EVC: variants seen among roughly 807,000 people sequenced by gnomAD.
The protein encoded by EVC is EvC ciliary complex subunit 1, also known as evC complex member EVC.
EVC carries 116 observed loss-of-function variants against 118.9 expected under a neutral mutation model. That is an observed-to-expected ratio of 0.98 (90% CI 0.84 to 1.14). The LOEUF (loss-of-function observed/expected upper bound fraction) is 1.14. EVC is among the 50% of genes most tolerant of loss of function. The pLI is 0.00. For missense variants in EVC, 1,401 were observed against 1,246.4 expected, an observed-to-expected ratio of 1.12 and a Z score of -1.87; for synonymous variants, 619 against 534.7, an observed-to-expected ratio of 1.16 and a Z score of -2.18.
intron 1 of EVC, among the ~76,000 whole-genome samples, chr4:5,712,607 G>T (rs1723226536): frequency 1.3e-5 from 2 of 152,178 alleles, no homozygotes; most frequent in Non-Finnish European, 1.5e-5. Flanking sequence ...TTTCTGGCCC[G>T]TGGGAAGATG....
At position 5,748,318 on chromosome 4, in the gene EVC, GGGGGC is replaced by G; in HGVS notation, c.1098+16_1098+20del. On this transcript the variant is annotated intron_variant, in intron 8 of 20. Transcript: ENST00000264956. ...AGCTGCAGGCTCTGGTAATGCTGGA[GGGGGC>G]GGGAGGGAACATAAAGATATTCAGA... 1.9e-6 allele frequency: 3 copies of G among 1,613,838 alleles called. No individual in the cohort carries two copies. The highest frequency in any genetic ancestry group is 1.7e-6 in the Non-Finnish European group (2 of 1,179,870).
chr4:5,809,592 T>C lies in EVC; in HGVS notation c.2763T>C (p.Pro921=). 6.2e-7 allele frequency: 1 copy of C among 1,614,160 alleles called. No individual in the cohort carries two copies. The highest frequency in any genetic ancestry group is 2.2e-5 in the East Asian group (1 of 44,866). The part of the protein sequence containing the change: ...RVPLAESKLL[P]AKRGLLEKPL... ...CCCTTGCTGAAAGCAAACTGTTGCC[T>C]GCTAAGCGTGGGCTGCTAGGTGAGT... The change falls in exon 19 of 21, where the codon CCT becomes CCC. Residue 921 remains proline, a synonymous_variant. Transcript: ENST00000264956.
chr4:5,763,508 C>T lies in EVC; in HGVS notation c.1563+7146C>T, dbSNP rs1372347274. ...ACCTTGGGCAGTATGGCCATTTTCACGATATTGATTCTTCCTACCCATGAG... is the reference window on the plus strand; with the variant it reads ...ACCTTGGGCAGTATGGCCATTTTCATGATATTGATTCTTCCTACCCATGAG... On this transcript the variant is annotated intron_variant, in intron 11 of 20. Transcript: ENST00000264956. Among the ~76,000 whole-genome samples, 10 of 145,234 alleles carry T rather than the reference C, an allele frequency of 6.9e-5. No individual in the cohort carries two copies. In the South Asian group the frequency reaches 1.5e-3, roughly 22 times the overall value.
At chr4:5,761,371 A>G (rs1731979418) in intron 11 of EVC, among the ~76,000 whole-genome samples, 1 of 151,976 alleles carries the variant, frequency 6.6e-6, no homozygotes, top group Non-Finnish European at 1.5e-5. Flanking sequence ...AGGTGTCACA[A>G]TCAATCGAGG....
At chr4:5,734,626 C>T (rs1005065517) in intron 5 of EVC, among the ~76,000 whole-genome samples, 1 of 152,214 alleles carries the variant, frequency 6.6e-6, no homozygotes, top group African/African-American at 2.4e-5. Context: ...CACTGCACTC[C>T]GACCTGGGCA....
rs749653724 is a variant in EVC, at chr4:5,797,062, C to T, written c.1927C>T (p.Arg643Cys). The T allele has an allele frequency of 2.0e-5, 33 of 1,613,310 alleles. No individual in the cohort carries two copies. Among genetic ancestry groups the T allele is most frequent in the South Asian group, 1.8e-4 (16 of 91,088 alleles). ...CVLQGHDLLL[R>C]SALRRLALRG... ...CCTGCAGGGGCATGACCTGCTGTTG[C>T]GCTCAGCCCTCCGGAGGCTGGCACT... is the stretch of plus-strand genomic sequence containing the variant. Residue 643 changes from arginine (R) to cysteine (C), a missense_variant, in exon 14 of 21, where the codon CGC (arginine) becomes TGC (cysteine). Coordinates refer to ENST00000264956, the MANE Select transcript of EVC (RefSeq NM_153717.3).
In EVC at chr4:5,813,885, C is replaced by T. The variant is rs1053510647; in HGVS notation, c.*2848C>T. 2.0e-5 allele frequency: 3 copies of T among 152,206 alleles called. No homozygotes were observed. The highest frequency in any genetic ancestry group is 7.2e-5 in the African/African-American group (3 of 41,450). 9.4% of individuals were successfully genotyped at this position (152,206 alleles called of 1,614,324 possible). On this transcript the variant is annotated 3_prime_UTR_variant, in exon 21 of 21. Transcript: ENST00000264956. ...GGCACAGGCCTCCATGATGAAGACG[C>T]GTGGGCTGTCGGTGCTTTCATCCGT...
intron 2 of EVC, among the ~76,000 whole-genome samples, chr4:5,725,622 C>G (rs531961279): frequency 6.6e-6 from 1 of 152,240 alleles, no homozygotes; most frequent in East Asian, 1.9e-4. Context: ...GGATGTTAGA[C>G]CCTTGTCAGA....
At position 5,789,799 on chromosome 4, in the gene EVC, G is replaced by A. The variant is rs527760443; in HGVS notation, c.1777-3809G>A. On this transcript the variant is annotated intron_variant, in intron 12 of 20. Coordinates refer to ENST00000264956, the MANE Select transcript of EVC (RefSeq NM_153717.3). This position sits in a 1 kb window ranked among gnomAD's most constrained non-coding sequence, Gnocchi z 4.3. ...GATCTTGACCTTATCGATCATCATCGAATCCTGTTGCTAGTTTAAGCTGCA... is the reference window on the plus strand; with the variant it reads ...GATCTTGACCTTATCGATCATCATCAAATCCTGTTGCTAGTTTAAGCTGCA... Among the ~76,000 whole-genome samples, 45 of 152,232 alleles carry A rather than the reference G, an allele frequency of 3.0e-4. No homozygotes were observed. Among genetic ancestry groups the A allele is most frequent in the Middle Eastern group, 6.8e-3 (2 of 294 alleles).
chr4:5,796,323 G>A (rs778832245), intron 13 of EVC, among the ~76,000 whole-genome samples: 21 of 151,908 alleles, frequency 1.4e-4, no homozygotes, highest in African/African-American at 3.9e-4. Flanking sequence ...GTTAATTCTC[G>A]TCTGGGTATT....
chr4:5,736,400 C>A (rs1266937411), intron 5 of EVC, among the ~76,000 whole-genome samples: 1 of 152,122 alleles, frequency 6.6e-6, no homozygotes, highest in Non-Finnish European at 1.5e-5. Flanking sequence ...TTTGGTACTG[C>A]ACCATGGTGA....
chr4:5,777,179 G>A lies in EVC; in HGVS notation c.1564-6373G>A, dbSNP rs528869624. Among the ~76,000 whole-genome samples the A allele has an allele frequency of 1.8e-4, 28 of 152,188 alleles. No individual in the cohort carries two copies. The South Asian group carries it at 3.1e-3, about 17-fold the overall frequency. Reference sequence around the variant, plus strand: ...CTGTCCTTCTCCAAAGAGGATTTTCGTTTGCTTTTGTCAGATATCAGCACC... The same window carrying A: ...CTGTCCTTCTCCAAAGAGGATTTTCATTTGCTTTTGTCAGATATCAGCACC... On this transcript the variant is annotated intron_variant, in intron 11 of 20. Coordinates refer to ENST00000264956, the MANE Select transcript of EVC (RefSeq NM_153717.3).
Position 5,741,694 on chromosome 4 carries a change from A to G in EVC, c.703-22A>G, listed in dbSNP as rs143946302. The G allele has an allele frequency of 1.8e-4, 260 of 1,429,794 alleles. 1 individual carries two copies. The African/African-American group carries it at 3.0e-3, about 16-fold the overall frequency. 88.6% of individuals were successfully genotyped at this position (1,429,794 alleles called of 1,614,324 possible). A position where few individuals can be genotyped will look rare whatever the true frequency, so the allele number is the denominator to read the frequency against. On this transcript the variant is annotated intron_variant, in intron 5 of 20. Coordinates refer to ENST00000264956, the MANE Select transcript of EVC (RefSeq NM_153717.3). ...CCATTGATTAAACTTTTCTTTTGTT[A>G]TCTTTCCTTTCTTGGCAATAGATGT...
chr4:5,762,293 G>C (rs1262568069), intron 11 of EVC, among the ~76,000 whole-genome samples: 2 of 135,830 alleles, frequency 1.5e-5, no homozygotes, highest in Non-Finnish European at 3.2e-5. Context: ...TCTTAATCCA[G>C]TCTATCATTG....
intron 13 of EVC, among the ~76,000 whole-genome samples, chr4:5,795,879 T>C (rs886466325): frequency 2.6e-5 from 4 of 152,252 alleles, no homozygotes; most frequent in African/African-American, 9.6e-5. Flanking sequence ...TCTCAGATGT[T>C]TTCCCTTTAG....
chr4:5,726,319 C>G (rs1577345044), intron 2 of EVC, among the ~76,000 whole-genome samples: 2 of 152,214 alleles, frequency 1.3e-5, no homozygotes, highest in East Asian at 3.8e-4. Flanking sequence ...TGCCTGTCTG[C>G]TTATCTTCAT....
chr4:5,810,837 A>G (rs959650605), intron 20 of EVC, 116 bp from the exon 21 acceptor site: 4 of 1,003,400 alleles, frequency 4.0e-6, no homozygotes, highest in Non-Finnish European at 6.1e-6. Flanking sequence ...GTCAAAGTAA[A>G]AATTGTTTTG....
At chr4:5,779,333 T>G (rs1162554577) in intron 11 of EVC, among the ~76,000 whole-genome samples, 1 of 151,982 alleles carries the variant, frequency 6.6e-6, no homozygotes, top group Non-Finnish European at 1.5e-5. Context: ...GGCTCCTTTT[T>G]GGTTCCATAT....
chr4:5,739,625 C>T (rs1447672679), intron 5 of EVC, among the ~76,000 whole-genome samples: 1 of 152,232 alleles, frequency 6.6e-6, no homozygotes, highest in Non-Finnish European at 1.5e-5. Flanking sequence ...CCATGTCCTT[C>T]TTTTCCATAT....
Sources: allele counts gnomAD v4.1 joint callset (sites outside exome capture counted in the v4.1 genomes callset), GRCh38; gene constraint gnomAD v4.1.1; non-coding constraint Gnocchi (gnomAD v3.1); transcripts MANE v1.5; gene names NCBI Gene and HGNC (gene_info 2026-07-23, HGNC 2026-07-21).